Variants in ATRNL1 observed in about 807,000 individuals in gnomAD.
The protein encoded by ATRNL1 is attractin-like protein 1.
ATRNL1 carries 95 observed loss-of-function variants against 182.7 expected under a neutral mutation model. The ratio of observed to expected loss-of-function variants is 0.52; its 90% CI spans 0.44 to 0.62. The LOEUF (loss-of-function observed/expected upper bound fraction) is 0.62. Ranked by LOEUF, ATRNL1 falls within the 20% of genes least tolerant of loss-of-function variation. The pLI is 0.00. For synonymous variants in ATRNL1, 576 were observed against 568.3 expected (o/e 1.01, Z -0.19); for missense variants, 1,471 against 1,679.5 (o/e 0.88, Z 2.17).
At chr10:115,401,038 G>C (rs1459961284) in intron 20 of ATRNL1, among the ~76,000 whole-genome samples, 1 of 151,762 alleles carries the variant, frequency 6.6e-6, no homozygotes, top group African/African-American at 2.4e-5. Context: ...ATGTATTTTG[G>C]TTGGAAAAAG....
chr10:115,209,421 T>A lies in ATRNL1; in HGVS notation c.1349-6276T>A, dbSNP rs535362835. Among the ~76,000 whole-genome samples, 3 of 148,838 alleles carry A rather than the reference T, an allele frequency of 2.0e-5. No individual in the cohort carries two copies. The South Asian group carries it at 6.7e-4, about 33-fold the overall frequency. On this transcript the variant is annotated intron_variant, in intron 8 of 28. Coordinates refer to ENST00000355044, the MANE Select transcript of ATRNL1 (RefSeq NM_207303.4). ...AGTATCCATAAAGCATTTTTTATTTTGTTTTTTTTTTTTTCTGGTTTCTGA... is the reference window on the plus strand; with the variant it reads ...AGTATCCATAAAGCATTTTTTATTTAGTTTTTTTTTTTTTCTGGTTTCTGA...
chr10:115,626,040 A>G (rs1187868159), intron 26 of ATRNL1, among the ~76,000 whole-genome samples: 3 of 152,180 alleles, frequency 2.0e-5, no homozygotes, highest in Non-Finnish European at 4.4e-5. Flanking sequence ...ACTACATGGT[A>G]TATCTCCATG....
chr10:115,630,727 G>C (rs533749979), intron 26 of ATRNL1, among the ~76,000 whole-genome samples: 11 of 146,224 alleles, frequency 7.5e-5, no homozygotes, highest in African/African-American at 2.7e-4. Flanking sequence ...ATATTTAATA[G>C]ATATCATATA....
At chr10:115,594,237 T>C (rs1488851417) in intron 26 of ATRNL1, among the ~76,000 whole-genome samples, 4 of 152,160 alleles carry the variant, frequency 2.6e-5, no homozygotes, top group Non-Finnish European at 4.4e-5. Context: ...ATATGCATGA[T>C]ATCATATGTG....
intron 24 of ATRNL1, among the ~76,000 whole-genome samples, chr10:115,511,916 G>A (rs1039908753): frequency 2.0e-4 from 30 of 151,762 alleles, no homozygotes; most frequent in African/African-American, 7.0e-4. Context: ...AACAGATGGG[G>A]AAGATGAGAA....
At chr10:115,705,332 T>C (rs935217247) in intron 26 of ATRNL1, among the ~76,000 whole-genome samples, 1 of 151,928 alleles carries the variant, frequency 6.6e-6, no homozygotes, top group Non-Finnish European at 1.5e-5. Context: ...CTAGAAATTT[T>C]CTTCACTTCC....
intron 26 of ATRNL1, among the ~76,000 whole-genome samples, chr10:115,591,999 G>GA (rs1814383763): frequency 6.6e-6 from 1 of 152,152 alleles, no homozygotes; most frequent in Non-Finnish European, 1.5e-5. Flanking sequence ...CCATAAAAGA[G>GA]AAAAAATCAT....
intron 5 of ATRNL1, among the ~76,000 whole-genome samples, chr10:115,156,978 C>T (rs561722344): frequency 1.1e-4 from 17 of 151,782 alleles, no homozygotes; most frequent in Admixed American, 4.6e-4. Context: ...AGAGGGATGA[C>T]GAGAGGTTGG....
chr10:115,874,880 A>G (rs1951666162), intron 28 of ATRNL1, among the ~76,000 whole-genome samples: 1 of 152,122 alleles, frequency 6.6e-6, no homozygotes, highest in Non-Finnish European at 1.5e-5. Flanking sequence ...GAATTGGGAA[A>G]CCATTTTGGA....
intron 26 of ATRNL1, among the ~76,000 whole-genome samples, chr10:115,693,397 G>T (rs1448225355): frequency 6.6e-6 from 1 of 152,128 alleles, no homozygotes; most frequent in East Asian, 1.9e-4. Flanking sequence ...TATTTATGCA[G>T]TGGCTGTTTT....
rs114358630 is a variant in ATRNL1 at position 115,572,435 on chromosome 10, A to G, written c.3795+22899A>G. Among the ~76,000 whole-genome samples the G allele has an allele frequency of 4.9e-3, 737 of 151,214 alleles. 3 individuals carry two copies. The highest frequency in any genetic ancestry group is 0.015 in the African/African-American group (632 of 41,204). ...GATAGATTGGATGCAACGGGTGGGG[A>G]AAAAAAAAGACTAATTCTCACTCTA... is the stretch of plus-strand genomic sequence containing the variant. On this transcript the variant is annotated intron_variant, in intron 26 of 28. Transcript: ENST00000355044.
chr10:115,607,896 A>G (rs1555017979), intron 26 of ATRNL1, among the ~76,000 whole-genome samples: 1 of 151,848 alleles, frequency 6.6e-6, no homozygotes, highest in South Asian at 2.1e-4. Context: ...GGAAATCACC[A>G]TCTTCTTCCA....
chr10:115,340,330 A>T (rs1554937905), intron 19 of ATRNL1, among the ~76,000 whole-genome samples: 1 of 152,014 alleles, frequency 6.6e-6, no homozygotes, highest in Non-Finnish European at 1.5e-5. Flanking sequence ...TTTAGTAGCG[A>T]TGGAGTTTCA....
chr10:115,612,372 A>C (rs915144857), intron 26 of ATRNL1, among the ~76,000 whole-genome samples: 1 of 152,212 alleles, frequency 6.6e-6, no homozygotes. Flanking sequence ...AGTGTTTACT[A>C]ACATACTGTC....
At chr10:115,753,280 C>A (rs1425258087) in intron 27 of ATRNL1, among the ~76,000 whole-genome samples, 2 of 151,984 alleles carry the variant, frequency 1.3e-5, no homozygotes, top group Non-Finnish European at 2.9e-5. Context: ...CACCCATCAA[C>A]CTGTCATCTA....
chr10:115,589,801 G>C (rs1048694672), intron 26 of ATRNL1, among the ~76,000 whole-genome samples: 10 of 152,068 alleles, frequency 6.6e-5, no homozygotes, highest in Non-Finnish European at 1.2e-4. Flanking sequence ...ATGTCAAATT[G>C]AGTATTAACG....
intron 20 of ATRNL1, among the ~76,000 whole-genome samples, chr10:115,396,599 A>G (rs529591702): frequency 5.4e-4 from 82 of 152,112 alleles, no homozygotes; most frequent in African/African-American, 1.9e-3. Flanking sequence ...TGTTGGTTGG[A>G]TAGCAGTGTG....
In ATRNL1 at chr10:115,094,617, A is replaced by C. The variant is rs570031152; in HGVS notation, c.293+574A>C. 2.6e-5 allele frequency among the ~76,000 whole-genome samples: 4 copies of C among 152,218 alleles called. No homozygotes were observed. The South Asian group carries it at 8.3e-4, about 32-fold the overall frequency. On this transcript the variant is annotated intron_variant, in intron 1 of 28. Coordinates refer to ENST00000355044, the MANE Select transcript of ATRNL1 (RefSeq NM_207303.4). ...AACACTCTTCTAAGCGCTTTATGTC[A>C]ATTTTCTCATTTATTCCCTACAACA...
At chr10:115,252,723 A>G (rs571637815) in intron 10 of ATRNL1, among the ~76,000 whole-genome samples, 1 of 152,270 alleles carries the variant, frequency 6.6e-6, no homozygotes, top group African/African-American at 2.4e-5. Flanking sequence ...GTCTCGTTAT[A>G]TGGTACTGAG....
Sources: gnomAD v4.1 joint callset for allele counts (sites outside exome capture counted in the v4.1 genomes callset) on GRCh38, gnomAD v4.1.1 for gene constraint, MANE v1.5 for transcripts, NCBI Gene and HGNC (gene_info 2026-07-23, HGNC 2026-07-21) for gene names.